Variants in DLEU7 observed in about 807,000 individuals in gnomAD.
DLEU7 encodes the protein leukemia-associated protein 7.
Under a neutral mutation model 16.0 loss-of-function variants are expected in DLEU7, and 17 were observed. That is an observed-to-expected ratio of 1.06 (90% CI 0.73 to 1.59). The LOEUF (loss-of-function observed/expected upper bound fraction) is 1.59. Among genes scored for constraint, DLEU7 ranks in the 40% most tolerant of loss-of-function variants. The pLI, the probability that DLEU7 is intolerant of heterozygous loss-of-function variation, is 0.00. For synonymous variants in DLEU7, 113 were observed against 139.8 expected, an observed-to-expected ratio of 0.81 and a Z score of 1.35; for missense variants, 308 against 314.9, an observed-to-expected ratio of 0.98 and a Z score of 0.17.
chr13:50,790,316 TAAAAAG>T (rs1875918997), intron 1 of DLEU7, among the ~76,000 whole-genome samples: 1 of 152,094 alleles, frequency 6.6e-6, no homozygotes, highest in African/African-American at 2.4e-5. Context: ...AAAATAAAAA[TAAAAAG>T]ATCTGAAGGG....
chr13:50,823,853 A>G lies in DLEU7; in HGVS notation c.460-333T>C, dbSNP rs527328276. The stretch of plus-strand genomic sequence containing the variant: ...TGAGGCTATTGGAAAATATCTTGCC[A>G]CCATAAGGATAGCATCCAAATGAGA... On this transcript the variant is annotated intron_variant, in intron 1 of 1. Transcript: ENST00000504404. Among the ~76,000 whole-genome samples the G allele has an allele frequency of 4.9e-3, 744 of 152,332 alleles. 10 individuals carry two copies. Among genetic ancestry groups the G allele is most frequent in the Non-Finnish European group, 6.6e-3 (451 of 68,026 alleles).
chr13:50,828,940 G>T (rs1010070024), intron 1 of DLEU7, among the ~76,000 whole-genome samples: 3 of 152,234 alleles, frequency 2.0e-5, no homozygotes, highest in Non-Finnish European at 2.9e-5. Context: ...ACCTTTGTGT[G>T]TTGCTCATTT....
intron 1 of DLEU7, among the ~76,000 whole-genome samples, chr13:50,757,731 T>C (rs895657685): frequency 5.9e-5 from 9 of 152,216 alleles, no homozygotes; most frequent in Non-Finnish European, 1.2e-4. Flanking sequence ...TAAATGTGAT[T>C]ATAAAATAGG....
At chr13:50,728,973 G>C (rs951245563) in intron 1 of DLEU7, among the ~76,000 whole-genome samples, 1 of 152,058 alleles carries the variant, frequency 6.6e-6, no homozygotes, top group African/African-American at 2.4e-5. Context: ...CTGCACAGTT[G>C]AAAATCTTTG....
At chr13:50,823,715 A>G (rs773808874) in intron 1 of DLEU7, among the ~76,000 whole-genome samples, 195 bp from the exon 2 acceptor site, 1 of 152,238 alleles carries the variant, frequency 6.6e-6, no homozygotes, top group Non-Finnish European at 1.5e-5. Flanking sequence ...GCCCAGGCCA[A>G]TCACAGTGTG....
At chr13:50,774,790 C>A (rs939173902) in intron 1 of DLEU7, among the ~76,000 whole-genome samples, 2 of 151,962 alleles carry the variant, frequency 1.3e-5, no homozygotes, top group Non-Finnish European at 2.9e-5. Flanking sequence ...AAATCTCTTG[C>A]TCTCTGTCCT....
intron 1 of DLEU7, among the ~76,000 whole-genome samples, chr13:50,762,189 C>CAAAAAAAAA (rs71085045): frequency 1.2e-5 from 1 of 84,292 alleles, no homozygotes; most frequent in African/African-American, 4.5e-5. Flanking sequence ...AGACTCGTCT[C>CAAAAAAAAA]AAAAAAAAAA....
chr13:50,841,390 CATGTA>C (rs1331288388), intron 1 of DLEU7, among the ~76,000 whole-genome samples: 1 of 152,006 alleles, frequency 6.6e-6, no homozygotes, highest in Admixed American at 6.6e-5. Flanking sequence ...TGGAAAATAA[CATGTA>C]TTTTTTTTTT....
At chr13:50,813,324 A>G (rs1057137629) in intron 1 of DLEU7, among the ~76,000 whole-genome samples, 5 of 152,166 alleles carry the variant, frequency 3.3e-5, no homozygotes, top group African/African-American at 4.8e-5. Flanking sequence ...ATATACACTT[A>G]GATAACTGAT....
exon 2 of DLEU7, chr13:50,712,908 T>G: frequency 2.9e-6 from 1 of 346,512 alleles, no homozygotes; most frequent in Admixed American, 4.5e-5. Context: ...CAAACAGGGG[T>G]AGGGAATTTG....
At chr13:50,736,737 A>T (rs926695233) in intron 1 of DLEU7, among the ~76,000 whole-genome samples, 7 of 152,140 alleles carry the variant, frequency 4.6e-5, no homozygotes, top group African/African-American at 1.7e-4. Flanking sequence ...ATATTTGGAA[A>T]ATACTCAGAA....
intron 1 of DLEU7, among the ~76,000 whole-genome samples, chr13:50,780,018 C>T (rs958038269): frequency 6.6e-6 from 1 of 152,124 alleles, no homozygotes; most frequent in African/African-American, 2.4e-5. Flanking sequence ...GTGTTATCAT[C>T]TTAAAAGAGA....
At chr13:50,760,274 C>G (rs1434405690) in intron 1 of DLEU7, among the ~76,000 whole-genome samples, 1 of 152,128 alleles carries the variant, frequency 6.6e-6, no homozygotes, top group Non-Finnish European at 1.5e-5. Context: ...ATAAAGCAAG[C>G]TAATTAAACA....
At chr13:50,799,584 C>A (rs1366182318) in intron 1 of DLEU7, among the ~76,000 whole-genome samples, 2 of 152,160 alleles carry the variant, frequency 1.3e-5, no homozygotes, top group African/African-American at 4.8e-5. Context: ...ATTTCTGTAG[C>A]ACCAGCAGTT....
intron 1 of DLEU7, among the ~76,000 whole-genome samples, chr13:50,793,241 C>T (rs921789288): frequency 7.2e-5 from 11 of 151,986 alleles, no homozygotes; most frequent in African/African-American, 2.7e-4. Flanking sequence ...TGTAGTATTC[C>T]ATGGCGTATA....
chr13:50,843,552 T>C lies in DLEU7; in HGVS notation c.95A>G (p.Asp32Gly). The part of the protein sequence containing the change: ...QLLQQEWGWG[D>G]GPVAPGNPRD... ...CGGGTTCCCGGGGGCGACTGGACCG[T>C]CCCCCCAGCCCCACTCCTGCTGCAG... Residue 32 changes from aspartate (D) to glycine (G), a missense_variant, in exon 1 of 2, where the codon GAC becomes GGC. Asp to Gly is a moderately conservative substitution (Grantham distance 94, BLOSUM62 -1). Transcript: ENST00000504404. The surrounding 1 kb of genome is among the most constrained non-coding windows in gnomAD (Gnocchi z 5.7). 6.8e-7 allele frequency: 1 copy of C among 1,461,146 alleles called. No homozygotes were observed. 90.5% of individuals were successfully genotyped at this position (1,461,146 alleles called of 1,614,324 possible).
At chr13:50,789,688 C>G (rs1303918677) in intron 1 of DLEU7, among the ~76,000 whole-genome samples, 2 of 152,030 alleles carry the variant, frequency 1.3e-5, no homozygotes, top group Non-Finnish European at 2.9e-5. Context: ...AATACATCAT[C>G]ATTATGAAAT....
At chr13:50,761,425 C>CA (rs11414256) in intron 1 of DLEU7, among the ~76,000 whole-genome samples, 70,960 of 151,258 alleles carry the variant, frequency 0.47, 17,578 homozygotes, top group African/African-American at 0.62. Context: ...ATGTCATGTG[C>CA]AAAAAAAAGA....
chr13:50,751,190 C>T (rs914327576), intron 1 of DLEU7, among the ~76,000 whole-genome samples: 22 of 152,098 alleles, frequency 1.4e-4, no homozygotes, highest in African/African-American at 4.8e-4. Flanking sequence ...TGAGATATCA[C>T]GTGATTTTTG....
Sources: allele counts gnomAD v4.1 joint callset (sites outside exome capture counted in the v4.1 genomes callset), GRCh38; gene constraint gnomAD v4.1.1; non-coding constraint Gnocchi (gnomAD v3.1); transcripts MANE v1.5; gene names NCBI Gene and HGNC (gene_info 2026-07-23, HGNC 2026-07-21).